CLDND1: variants seen among roughly 807,000 people sequenced by gnomAD.
CLDND1 encodes claudin domain-containing protein 1.
CLDND1 carries 13 observed loss-of-function variants against 26.3 expected under a neutral mutation model. The observed-to-expected ratio is 0.49, with a 90% CI of 0.32 to 0.78. CLDND1 has a LOEUF of 0.78. Ranked by LOEUF, CLDND1 falls within the 30% of genes least tolerant of loss-of-function variation. The pLI, the probability that CLDND1 is intolerant of heterozygous loss-of-function variation, is 0.03. For synonymous variants in CLDND1, 107 were observed against 107.0 expected (o/e 1.00, Z 0.00); for missense variants, 289 against 312.8 (o/e 0.92, Z 0.57).
rs1340783577 is a variant in CLDND1, at chr3:98,515,758, C to A, written c.*901G>T. The A allele has an allele frequency of 7.8e-7, 1 of 1,289,722 alleles. No individual in the cohort carries two copies. Among genetic ancestry groups the A allele is most frequent in the Non-Finnish European group, 1.0e-6 (1 of 988,818 alleles). 79.9% of individuals were successfully genotyped at this position (1,289,722 alleles called of 1,614,324 possible). ...CCATAGTTGGAGGTTAATGGACAGC[C>A]AGAACTTTAGATCTTGTGGTAGGTT... On this transcript the variant is annotated 3_prime_UTR_variant, in exon 5 of 5. Coordinates refer to ENST00000341181, the MANE Select transcript of CLDND1 (RefSeq NM_001040181.2).
chr3:98,519,757 C>A (rs1451524378), intron 2 of CLDND1, among the ~76,000 whole-genome samples: 5 of 152,214 alleles, frequency 3.3e-5, no homozygotes, highest in Admixed American at 2.6e-4. Flanking sequence ...GGCTTCCTTA[C>A]TGGTCCTTGA....
At chr3:98,522,144 T>A (rs1706445781) in intron 1 of CLDND1, 2 of 163,498 alleles carry the variant, frequency 1.2e-5, no homozygotes, top group Non-Finnish European at 2.7e-5. Flanking sequence ...CTTATACTTC[T>A]GAACCTCCTC....
intron 3 of CLDND1, among the ~76,000 whole-genome samples, chr3:98,517,622 T>A (rs1321751374): frequency 2.0e-5 from 3 of 152,212 alleles, no homozygotes; most frequent in African/African-American, 4.8e-5. Flanking sequence ...TTGTATTGGG[T>A]ATTATAAGCA....
In CLDND1 at chr3:98,516,795, G is replaced by C. The variant is rs763208450; in HGVS notation, c.626C>G (p.Ser209Cys). The change falls in exon 5 of 5, where the codon TCC (serine) becomes TGC (cysteine). Residue 209 changes from serine (S) to cysteine (C), a missense_variant. Ser to Cys is a moderately radical substitution (Grantham distance 112). Transcript: ENST00000341181. ...HQKLELPDNV[S>C]GEFGWSFCLA... ...GCAGAAGGACCATCCAAATTCACCG[G>C]ATACATTGTCAGGGAGCTCTAGTTT... 5.0e-6 allele frequency: 8 copies of C among 1,614,144 alleles called. No homozygotes were observed. Among genetic ancestry groups the C allele is most frequent in the East Asian group, 2.2e-5 (1 of 44,886 alleles).
chr3:98,521,883 A>G, intron 1 of CLDND1: 1 of 583,772 alleles, frequency 1.7e-6, no homozygotes, highest in South Asian at 2.5e-5. Flanking sequence ...GAAGCAGTGG[A>G]AATTGGCTTC....
Position 98,516,524 on chromosome 3 carries a change from G to A in CLDND1, c.*135C>T. The A allele has an allele frequency of 7.0e-7, 1 of 1,418,936 alleles. No individual in the cohort carries two copies. The highest frequency in any genetic ancestry group is 9.2e-7 in the Non-Finnish European group (1 of 1,083,430). The allele number at this position is 1,418,936 out of a possible 1,614,324, so 87.9% of individuals were successfully genotyped here. ...TAAGTGTGTATTTAGTGGTGAATGT[G>A]TATAAATAAAATAGATTTTCATAAT... On this transcript the variant is annotated 3_prime_UTR_variant, in exon 5 of 5. Transcript: ENST00000341181.
intron 3 of CLDND1, among the ~76,000 whole-genome samples, chr3:98,518,054 G>C (rs1309334703): frequency 6.6e-6 from 1 of 152,120 alleles, no homozygotes; most frequent in Non-Finnish European, 1.5e-5. Context: ...ATCAACATGG[G>C]AAGAAAACCT....
At chr3:98,519,156 T>A in intron 2 of CLDND1, 161 bp from the exon 3 acceptor site, 1 of 565,930 alleles carries the variant, frequency 1.8e-6, no homozygotes, top group East Asian at 2.9e-5. Context: ...GTCCAATGGA[T>A]GCCACTGGTT....
At chr3:98,517,600 A>G (rs1706202327) in intron 3 of CLDND1, among the ~76,000 whole-genome samples, 1 of 152,232 alleles carries the variant, frequency 6.6e-6, no homozygotes, top group Non-Finnish European at 1.5e-5. Context: ...AACTATTTAC[A>G]TAGCATTTAT....
chr3:98,520,887 GAA>G, intron 2 of CLDND1: 2 of 379,434 alleles, frequency 5.3e-6, no homozygotes, highest in African/African-American at 2.2e-5. Flanking sequence ...GAGTAAATAA[GAA>G]AAAAAAAAGC....
chr3:98,520,907 G>C lies in CLDND1; in HGVS notation c.292+226C>G, dbSNP rs745991812. On this transcript the variant is annotated intron_variant, in intron 2 of 4. Coordinates refer to ENST00000341181, the MANE Select transcript of CLDND1 (RefSeq NM_001040181.2). ...AATAAGAAAAAAAAAAGCCATTAAG[G>C]CTTTCCCAAGATAAGAAAAGTTCCT... is the stretch of plus-strand genomic sequence containing the variant. 1.6e-5 allele frequency: 7 copies of C among 446,498 alleles called. No individual in the cohort carries two copies. In the Admixed American group the frequency reaches 1.9e-4, roughly 12 times the overall value. The allele number at this position is 446,498 out of a possible 1,614,324, so 27.7% of individuals were successfully genotyped here.
Position 98,521,113 on chromosome 3 carries a change from A to C in CLDND1, c.292+20T>G. The C allele has an allele frequency of 6.3e-7, 1 of 1,592,818 alleles. No homozygotes were observed. Among genetic ancestry groups the C allele is most frequent in the Non-Finnish European group, 8.6e-7 (1 of 1,165,440 alleles). On this transcript the variant is annotated intron_variant, in intron 2 of 4. Transcript: ENST00000341181. ...TTATTAACCAGGTGAAGAAGACAGA[A>C]GTTAAAATAAGAGAAATACCTGTCC...
At position 98,516,589 on chromosome 3, in the gene CLDND1, G is replaced by C; in HGVS notation, c.*70C>G. The stretch of plus-strand genomic sequence containing the variant: ...ACAAATAAAAATTAAAAACAATTGA[G>C]AGGTGGGGAAAATATCAGTATTATT... On this transcript the variant is annotated 3_prime_UTR_variant, in exon 5 of 5. Transcript: ENST00000341181. 1.3e-6 allele frequency: 2 copies of C among 1,504,272 alleles called. No homozygotes were observed. Among genetic ancestry groups the C allele is most frequent in the South Asian group, 2.6e-5 (2 of 76,074 alleles). 93.2% of individuals were successfully genotyped at this position (1,504,272 alleles called of 1,614,324 possible).
chr3:98,517,381 C>T (rs1341083838), intron 3 of CLDND1, 192 bp from the exon 4 acceptor site: 12 of 625,470 alleles, frequency 1.9e-5, no homozygotes, highest in African/African-American at 3.7e-5. Context: ...TAAAAGGACA[C>T]TAACAGGTAG....
Position 98,520,904 on chromosome 3 carries a change from A to G in CLDND1, c.292+229T>C, listed in dbSNP as rs370027153. On this transcript the variant is annotated intron_variant, in intron 2 of 4. Transcript: ENST00000341181. ...GTAAATAAGAAAAAAAAAAGCCATT[A>G]AGGCTTTCCCAAGATAAGAAAAGTT... 1.8e-5 allele frequency: 8 copies of G among 442,520 alleles called. No homozygotes were observed. The East Asian group carries it at 2.3e-4, about 13-fold the overall frequency. The allele number at this position is 442,520 out of a possible 1,614,324, so 27.4% of individuals were successfully genotyped here. A position where few individuals can be genotyped will look rare whatever the true frequency, so the allele number is the denominator to read the frequency against.
rs867220470 is a variant in CLDND1 at position 98,521,513 on chromosome 3, T to C, written c.-18-71A>G. 4 of 1,521,916 alleles carry C rather than the reference T, an allele frequency of 2.6e-6. No homozygotes were observed. The Middle Eastern group carries it at 6.9e-4, about 263-fold the overall frequency. 94.3% of individuals were successfully genotyped at this position (1,521,916 alleles called of 1,614,324 possible). A position where few individuals can be genotyped will look rare whatever the true frequency, so the allele number is the denominator to read the frequency against. On this transcript the variant is annotated intron_variant, in intron 1 of 4. Transcript: ENST00000341181. Reference sequence around the variant, plus strand: ...AATAAGAAAGATTATTTTGAATTATTCCAAATGCACCCTTTACCCAATTCC... The same window carrying C: ...AATAAGAAAGATTATTTTGAATTATCCCAAATGCACCCTTTACCCAATTCC...
At chr3:98,518,205 T>C (rs1576268836) in intron 3 of CLDND1, among the ~76,000 whole-genome samples, 2 of 152,198 alleles carry the variant, frequency 1.3e-5, no homozygotes, top group Non-Finnish European at 2.9e-5. Flanking sequence ...TCTAACTTAC[T>C]TTCTTTCAAA....
chr3:98,519,489 G>C (rs1706307554), intron 2 of CLDND1, among the ~76,000 whole-genome samples: 1 of 152,118 alleles, frequency 6.6e-6, no homozygotes, highest in Non-Finnish European at 1.5e-5. Flanking sequence ...TACCATTCTG[G>C]TGTGAGTCAT....
chr3:98,519,115 T>C, intron 2 of CLDND1, 120 bp from the exon 3 acceptor site: 1 of 615,010 alleles, frequency 1.6e-6, no homozygotes, highest in East Asian at 2.8e-5. Context: ...GCAACTTCTC[T>C]GGCCCTGACT....
Sources: allele counts gnomAD v4.1 joint callset (sites outside exome capture counted in the v4.1 genomes callset), GRCh38; gene constraint gnomAD v4.1.1; transcripts MANE v1.5; gene names NCBI Gene and HGNC (gene_info 2026-07-23, HGNC 2026-07-21).